The following MACROD2 variants were observed in gnomAD, a reference collection of about 807,000 sequenced individuals.
The protein encoded by MACROD2 is ADP-ribose glycohydrolase MACROD2.
A neutral mutation model predicts 70.4 loss-of-function variants in MACROD2; 36 were observed. That is an observed-to-expected ratio of 0.51 (90% CI 0.39 to 0.68). MACROD2 has a LOEUF of 0.68. Among genes scored for constraint, MACROD2 ranks in the 30% least tolerant of loss-of-function variants. MACROD2 has a pLI of 0.00. For missense variants in MACROD2, 496 were observed against 538.4 expected (o/e 0.92, Z 0.78); for synonymous variants, 172 against 178.8 (o/e 0.96, Z 0.30).
At chr20:15,051,497 C>T (rs1209410109) in intron 5 of MACROD2, among the ~76,000 whole-genome samples, 3 of 151,698 alleles carry the variant, frequency 2.0e-5, no homozygotes, top group South Asian at 2.1e-4. Flanking sequence ...TGGCAGTGGC[C>T]GAAGCCGCAG....
chr20:15,809,587 C>T (rs572486295), intron 8 of MACROD2, among the ~76,000 whole-genome samples: 145 of 152,252 alleles, frequency 9.5e-4, no homozygotes, highest in African/African-American at 3.4e-3. Flanking sequence ...ACAACCAACT[C>T]TCACAGGAAC....
At chr20:14,489,526 G>A (rs545944255) in intron 3 of MACROD2, among the ~76,000 whole-genome samples, 24 of 152,288 alleles carry the variant, frequency 1.6e-4, no homozygotes, top group African/African-American at 5.8e-4. Flanking sequence ...GAATGAAATT[G>A]GTGTTTTAAA....
chr20:15,557,513 C>G (rs2048183556), intron 8 of MACROD2, among the ~76,000 whole-genome samples: 1 of 152,198 alleles, frequency 6.6e-6, no homozygotes, highest in South Asian at 2.1e-4. Context: ...CCCTGACACA[C>G]AGATTTAGCA....
chr20:15,010,728 TAAC>T (rs1485137549), intron 5 of MACROD2, among the ~76,000 whole-genome samples: 1 of 152,226 alleles, frequency 6.6e-6, no homozygotes, highest in Non-Finnish European at 1.5e-5. Context: ...AATATAATAA[TAAC>T]AATAAACCAG....
chr20:15,638,180 G>A (rs546105924), intron 8 of MACROD2, among the ~76,000 whole-genome samples: 5 of 152,274 alleles, frequency 3.3e-5, no homozygotes, highest in African/African-American at 1.2e-4. Context: ...TCAGTATTAG[G>A]GAAATGGAGC....
chr20:15,993,233 AGTGT>A (rs11468964), intron 15 of MACROD2, among the ~76,000 whole-genome samples: 15,671 of 143,920 alleles, frequency 0.11, 862 homozygotes, highest in African/African-American at 0.15. Flanking sequence ...GAATTTGAAG[AGTGT>A]GTGTGTGTGT....
chr20:14,465,729 G>A (rs552976850), intron 3 of MACROD2, among the ~76,000 whole-genome samples: 7 of 152,190 alleles, frequency 4.6e-5, no homozygotes, highest in African/African-American at 1.7e-4. Context: ...GGCAGGCCTA[G>A]TGGTGACAAA....
At chr20:15,782,717 C>CAAAAAAAAAAAAAAAAA (rs11472322) in intron 8 of MACROD2, among the ~76,000 whole-genome samples, 5 of 83,358 alleles carry the variant, frequency 6.0e-5, no homozygotes, top group Non-Finnish European at 7.3e-5. Flanking sequence ...AGAGAAATGG[C>CAAAAAAAAAAAAAAAAA]AAAAAAAAAA....
intron 3 of MACROD2, among the ~76,000 whole-genome samples, chr20:14,178,423 A>C (rs2081281050): frequency 6.6e-6 from 1 of 152,230 alleles, no homozygotes; most frequent in Non-Finnish European, 1.5e-5. Flanking sequence ...GTTATGAAAA[A>C]ATAGCAAAGT....
intron 4 of MACROD2, among the ~76,000 whole-genome samples, chr20:14,518,002 CATTA>C (rs1247823723): frequency 1.3e-5 from 2 of 151,882 alleles, no homozygotes; most frequent in African/African-American, 4.8e-5. Flanking sequence ...ACTTTCTATT[CATTA>C]ATTGAATTTT....
At chr20:14,550,957 G>C (rs1011038485) in intron 4 of MACROD2, among the ~76,000 whole-genome samples, 1 of 151,084 alleles carries the variant, frequency 6.6e-6, no homozygotes, top group African/African-American at 2.4e-5. Flanking sequence ...GTAACTAATT[G>C]CATTATTTTT....
At chr20:14,781,236 C>T (rs2072296974) in intron 5 of MACROD2, among the ~76,000 whole-genome samples, 2 of 151,916 alleles carry the variant, frequency 1.3e-5, no homozygotes, top group Admixed American at 6.6e-5. Flanking sequence ...CCAATCTACT[C>T]CCTACTTCTA....
intron 3 of MACROD2, among the ~76,000 whole-genome samples, chr20:14,315,459 C>A (rs1157791447): frequency 6.6e-6 from 1 of 152,052 alleles, no homozygotes; most frequent in East Asian, 1.9e-4. Context: ...AGGTTTCAAG[C>A]ATTGTTTTAC....
At chr20:14,270,190 A>G (rs2082179507) in intron 3 of MACROD2, among the ~76,000 whole-genome samples, 1 of 152,230 alleles carries the variant, frequency 6.6e-6, no homozygotes, top group South Asian at 2.1e-4. Flanking sequence ...ACAACATATG[A>G]AAGTGTCTAT....
At chr20:14,746,995 A>G (rs550002234) in intron 5 of MACROD2, among the ~76,000 whole-genome samples, 23 of 152,316 alleles carry the variant, frequency 1.5e-4, no homozygotes, top group Middle Eastern at 6.8e-3. Flanking sequence ...TTCAATAGAA[A>G]AATTAAAGCT....
At chr20:14,624,039 G>A (rs1983988811) in intron 4 of MACROD2, among the ~76,000 whole-genome samples, 1 of 152,152 alleles carries the variant, frequency 6.6e-6, no homozygotes, top group Non-Finnish European at 1.5e-5. Context: ...GGACTGTCTG[G>A]ACATCTGCTG....
chr20:15,228,819 A>G (rs2076934797), intron 5 of MACROD2, among the ~76,000 whole-genome samples: 1 of 152,096 alleles, frequency 6.6e-6, no homozygotes, highest in Admixed American at 6.6e-5. Context: ...ATTTGCTGCT[A>G]TTGAAATGCC....
At chr20:14,658,522 G>A (rs532916694) in intron 4 of MACROD2, among the ~76,000 whole-genome samples, 1 of 152,270 alleles carries the variant, frequency 6.6e-6, no homozygotes, top group African/African-American at 2.4e-5. Context: ...GAGGAATTAG[G>A]CACAATCTAA....
intron 8 of MACROD2, among the ~76,000 whole-genome samples, chr20:15,800,222 C>T (rs1415706815): frequency 1.3e-5 from 2 of 152,068 alleles, no homozygotes; most frequent in Non-Finnish European, 2.9e-5. Context: ...TATTTTCTTC[C>T]ATTCTGTAAG....
Sources: allele counts gnomAD v4.1 joint callset (sites outside exome capture counted in the v4.1 genomes callset), GRCh38; gene constraint gnomAD v4.1.1; transcripts MANE v1.5; gene names NCBI Gene and HGNC (gene_info 2026-07-23, HGNC 2026-07-21).